The following MKLN1 variants were observed in gnomAD, a reference collection of about 807,000 sequenced individuals.
MKLN1 encodes muskelin.
MKLN1 carries 18 observed loss-of-function variants against 99.0 expected under a neutral mutation model. The ratio of observed to expected loss-of-function variants is 0.18; its 90% CI spans 0.13 to 0.27. The LOEUF (loss-of-function observed/expected upper bound fraction) is 0.27, where lower values mean the gene tolerates loss of function less well. MKLN1 is among the 10% of genes least tolerant of loss of function. The pLI, the probability that MKLN1 is intolerant of heterozygous loss-of-function variation, is 1.00. For missense variants in MKLN1, 621 were observed against 875.9 expected (o/e 0.71, Z 3.67); for synonymous variants, 288 against 293.2 (o/e 0.98, Z 0.18).
At chr7:131,195,061 A>G (rs1192904251) in intron 2 of MKLN1, among the ~76,000 whole-genome samples, 1 of 152,166 alleles carries the variant, frequency 6.6e-6, no homozygotes, top group Admixed American at 6.5e-5. Context: ...TACTTCTTTT[A>G]CAATTTCCTG....
intron 3 of MKLN1, among the ~76,000 whole-genome samples, chr7:131,207,672 G>A (rs969270894): frequency 3.9e-5 from 6 of 152,274 alleles, no homozygotes; most frequent in African/African-American, 1.4e-4. Context: ...TAGAACACAG[G>A]CTGAGTCCAT....
At chr7:131,325,904 G>C (rs576475385), upstream of MKLN1, among the ~76,000 whole-genome samples, 3 of 149,642 alleles carry the variant, frequency 2.0e-5, no homozygotes, top group South Asian at 2.2e-4. Context: ...GAAAAGTGGG[G>C]GGGGGGTGGT....
At chr7:131,306,665 TCTGA>T (rs34968131) in intron 3 of MKLN1, among the ~76,000 whole-genome samples, 67,631 of 151,752 alleles carry the variant, frequency 0.45, 16,516 homozygotes, top group Admixed American at 0.58. Context: ...GAAGATGTGA[TCTGA>T]CTGTTTATGA....
intron 3 of MKLN1, among the ~76,000 whole-genome samples, chr7:131,280,960 C>G (rs1454647239): frequency 6.6e-6 from 1 of 152,194 alleles, no homozygotes; most frequent in Non-Finnish European, 1.5e-5. Flanking sequence ...TTGTCAGATA[C>G]ATGATTTGCA....
At chr7:131,116,449 G>A (rs1471043624) in intron 1 of MKLN1, among the ~76,000 whole-genome samples, 2 of 151,992 alleles carry the variant, frequency 1.3e-5, no homozygotes, top group East Asian at 3.8e-4. Context: ...AATGGAATAG[G>A]TATAGGCATA....
At chr7:131,215,487 GAC>G (rs1444214770) in intron 3 of MKLN1, among the ~76,000 whole-genome samples, 1 of 151,718 alleles carries the variant, frequency 6.6e-6, no homozygotes, top group Non-Finnish European at 1.5e-5. Flanking sequence ...TGGGACTACA[GAC>G]AAACATCACC....
intron 11 of MKLN1, among the ~76,000 whole-genome samples, chr7:131,444,810 G>T: frequency 6.7e-6 from 1 of 149,454 alleles, no homozygotes; most frequent in South Asian, 2.1e-4. Flanking sequence ...AGTAGTAGTA[G>T]TAGTAGTAGT....
At chr7:131,182,923 G>T (rs326226) in intron 2 of MKLN1, among the ~76,000 whole-genome samples, 50,067 of 152,044 alleles carry the variant, frequency 0.33, 8,549 homozygotes, top group Middle Eastern at 0.49. Context: ...AATTCTATGT[G>T]ATCAACGTGA....
chr7:131,421,195 G>C (rs940457402), intron 8 of MKLN1, among the ~76,000 whole-genome samples: 4 of 152,004 alleles, frequency 2.6e-5, no homozygotes, highest in Non-Finnish European at 1.5e-5. Flanking sequence ...GTGTATCCTT[G>C]GGTTTTTCTC....
At chr7:131,355,914 C>A (rs1423098802) in intron 1 of MKLN1, among the ~76,000 whole-genome samples, 1 of 151,822 alleles carries the variant, frequency 6.6e-6, no homozygotes, top group Non-Finnish European at 1.5e-5. Context: ...ATAATTTTTT[C>A]ATCTACAAAC....
At chr7:131,171,746 C>A (rs981977857) in intron 2 of MKLN1, among the ~76,000 whole-genome samples, 6 of 152,190 alleles carry the variant, frequency 3.9e-5, no homozygotes, top group Admixed American at 3.9e-4. Flanking sequence ...GCATGAGCCA[C>A]CTCGCCTAGC....
chr7:131,341,917 T>C (rs1201017107), intron 1 of MKLN1, among the ~76,000 whole-genome samples: 1 of 152,216 alleles, frequency 6.6e-6, no homozygotes, highest in Non-Finnish European at 1.5e-5. Flanking sequence ...TGCATCTCAG[T>C]TCCTTACAGG....
chr7:131,266,901 G>A (rs1431443323), intron 3 of MKLN1, among the ~76,000 whole-genome samples: 1 of 152,004 alleles, frequency 6.6e-6, no homozygotes, highest in East Asian at 1.9e-4. Context: ...AGGAAAGTTT[G>A]TGGAAAGTTG....
At chr7:131,171,902 A>G (rs1207484138) in intron 2 of MKLN1, among the ~76,000 whole-genome samples, 4 of 152,228 alleles carry the variant, frequency 2.6e-5, no homozygotes, top group Non-Finnish European at 5.9e-5. Flanking sequence ...GCTTAAGTAC[A>G]TGCCTGAAGT....
intron 3 of MKLN1, among the ~76,000 whole-genome samples, chr7:131,303,678 T>C (rs1798410946): frequency 6.6e-6 from 1 of 152,226 alleles, no homozygotes; most frequent in Admixed American, 6.5e-5. Context: ...TTGTATGATA[T>C]AAAGGATGCA....
intron 3 of MKLN1, among the ~76,000 whole-genome samples, chr7:131,220,663 T>A (rs927817813): frequency 6.6e-6 from 1 of 152,158 alleles, no homozygotes; most frequent in Non-Finnish European, 1.5e-5. Flanking sequence ...ATGAAGCAGC[T>A]ATTCGCTCAT....
chr7:131,411,023 T>C lies in MKLN1; in HGVS notation c.704-283T>C, dbSNP rs1216575025. Among the ~76,000 whole-genome samples, 10 of 152,334 alleles carry C rather than the reference T, an allele frequency of 6.6e-5. 2 individuals carry two copies. In the South Asian group the frequency reaches 2.1e-3, roughly 32 times the overall value. The stretch of plus-strand genomic sequence containing the variant: ...TGTCCGTTGAATGCAACAGTGACTT[T>C]GTATCTAATACATACAGTGATGATG... On this transcript the variant is annotated intron_variant, in intron 6 of 17. Transcript: ENST00000352689.
chr7:131,202,763 A>G (rs1391342261), intron 2 of MKLN1: 1 of 152,098 alleles, frequency 6.6e-6, no homozygotes, highest in Non-Finnish European at 1.5e-5. Flanking sequence ...TAGTGTGGAG[A>G]TCATGATTTC....
rs1036342675 is a variant in MKLN1, at chr7:131,487,328, G to A, written c.2087-279G>A. ...AGTCCTTCTGCTAGACGCTTTTCATGTAACTACATTTAATCTGCACAATAA... is the reference window on the plus strand; with the variant it reads ...AGTCCTTCTGCTAGACGCTTTTCATATAACTACATTTAATCTGCACAATAA... On this transcript the variant is annotated intron_variant, in intron 17 of 17. Coordinates refer to ENST00000352689, the MANE Select transcript of MKLN1 (RefSeq NM_013255.5). This position sits in a 1 kb window ranked among gnomAD's most constrained non-coding sequence, Gnocchi z 4.7. Among the ~76,000 whole-genome samples the A allele has an allele frequency of 6.6e-6, 1 of 152,100 alleles. No homozygotes were observed. Among genetic ancestry groups the A allele is most frequent in the Admixed American group, 6.6e-5 (1 of 15,260 alleles).
Sources: allele counts gnomAD v4.1 joint callset (sites outside exome capture counted in the v4.1 genomes callset), GRCh38; gene constraint gnomAD v4.1.1; non-coding constraint Gnocchi (gnomAD v3.1); transcripts MANE v1.5; gene names NCBI Gene and HGNC (gene_info 2026-07-23, HGNC 2026-07-21).